Variants in RIMS1 observed in about 807,000 individuals in gnomAD.
RIMS1 encodes the protein regulating synaptic membrane exocytosis 1.
A neutral mutation model predicts 214.1 loss-of-function variants in RIMS1; 83 were observed. The observed-to-expected ratio is 0.39, with a 90% CI of 0.32 to 0.47. RIMS1 has a LOEUF of 0.47. Among genes scored for constraint, RIMS1 ranks in the 20% least tolerant of loss-of-function variants. The probability of loss-of-function intolerance (pLI) is 0.99; values close to 1 mark genes in which losing one functional copy is unlikely to be tolerated. For synonymous variants in RIMS1, 793 were observed against 786.8 expected (o/e 1.01, Z -0.13); for missense variants, 2,050 against 2,161.8 (o/e 0.95, Z 1.03).
chr6:71,896,343 A>G (rs1227129726), intron 1 of RIMS1, among the ~76,000 whole-genome samples: 3 of 152,194 alleles, frequency 2.0e-5, no homozygotes, highest in Non-Finnish European at 4.4e-5. Context: ...TAAAAACTTG[A>G]TGCTAGTCTG....
intron 4 of RIMS1, among the ~76,000 whole-genome samples, chr6:72,125,072 G>A (rs2039227545): frequency 6.6e-6 from 1 of 152,168 alleles, no homozygotes; most frequent in South Asian, 2.1e-4. Context: ...CTGGATTTTA[G>A]AATTTTTAGC....
In RIMS1 at chr6:72,210,920, A is replaced by C. The variant is rs146234256; in HGVS notation, c.1679-22853A>C. On this transcript the variant is annotated intron_variant, in intron 6 of 33. Transcript: ENST00000521978. Reference sequence around the variant, plus strand: ...AATGCATGCATGCAGGGATCAGTGAAAATTGGAAGAAATAACAGAATGAAA... The same window carrying C: ...AATGCATGCATGCAGGGATCAGTGACAATTGGAAGAAATAACAGAATGAAA... Among the ~76,000 whole-genome samples the C allele has an allele frequency of 6.2e-3, 949 of 152,286 alleles. 8 individuals are homozygous for C. Among genetic ancestry groups the C allele is most frequent in the African/African-American group, 0.022 (925 of 41,564 alleles).
chr6:72,038,118 A>AATATATATAT lies in RIMS1; in HGVS notation c.246-58805_246-58796dup, dbSNP rs70994111. ...AAAAAAAAAAAAAAAAAAAAAAAAAAATATATATATATATATATATATATA... is the reference window on the plus strand; with the variant it reads ...AAAAAAAAAAAAAAAAAAAAAAAAAAATATATATATATATATATATATATATATATATATA... On this transcript the variant is annotated intron_variant, in intron 2 of 33. Transcript: ENST00000521978. Among the ~76,000 whole-genome samples the AATATATATAT allele has an allele frequency of 8.3e-3, 111 of 13,394 alleles. 2 individuals are homozygous for AATATATATAT. The highest frequency in any genetic ancestry group is 9.0e-3 in the Non-Finnish European group (75 of 8,298). The allele number at this position is 13,394 out of a possible 152,430, so 8.8% of individuals were successfully genotyped here.
chr6:72,274,011 G>A (rs1274732581), intron 22 of RIMS1, among the ~76,000 whole-genome samples: 1 of 152,014 alleles, frequency 6.6e-6, no homozygotes, highest in Middle Eastern at 3.2e-3. Context: ...GCATCTTTAA[G>A]AACTTAAAGT....
At chr6:72,017,436 A>G (rs1257019535) in intron 2 of RIMS1, among the ~76,000 whole-genome samples, 3 of 152,196 alleles carry the variant, frequency 2.0e-5, no homozygotes, top group Non-Finnish European at 4.4e-5. Flanking sequence ...TACCAATTGG[A>G]TGTGAAAGAG....
At chr6:71,934,095 C>T (rs964280456) in intron 1 of RIMS1, among the ~76,000 whole-genome samples, 3 of 152,030 alleles carry the variant, frequency 2.0e-5, no homozygotes, top group African/African-American at 4.8e-5. Flanking sequence ...GCAGAAGATC[C>T]GGGATGTGGG....
chr6:72,303,860 C>T (rs1462827612), intron 26 of RIMS1, among the ~76,000 whole-genome samples: 2 of 151,480 alleles, frequency 1.3e-5, no homozygotes, highest in African/African-American at 4.8e-5. Context: ...AACCCTTCAA[C>T]CCCATTTTTA....
chr6:72,364,813 G>T (rs1292214221), intron 29 of RIMS1, among the ~76,000 whole-genome samples: 1 of 152,302 alleles, frequency 6.6e-6, no homozygotes, highest in East Asian at 1.9e-4. Flanking sequence ...TCCTCTGAGC[G>T]TGAGGAAATT....
In RIMS1 at chr6:72,265,033, T is replaced by C; in HGVS notation, c.3175T>C (p.Ser1059Pro). 6.3e-7 allele frequency: 1 copy of C among 1,588,932 alleles called. No homozygotes were observed. Among genetic ancestry groups the C allele is most frequent in the Non-Finnish European group, 8.6e-7 (1 of 1,164,146 alleles). Residue 1059 changes from serine to proline, a missense_variant, in exon 20 of 34, where the codon TCT becomes CCT. Ser to Pro is a moderately conservative substitution (Grantham distance 74). Coordinates refer to ENST00000521978, the MANE Select transcript of RIMS1 (RefSeq NM_014989.7). ...CAAGATGCCTTTATTACAGAGCAGT[T>C]CTCACTGGAATATTTACAGGTAAGA... is the stretch of plus-strand genomic sequence containing the variant. ...PPKMPLLQSS[S>P]HWNIYSSILP...
At chr6:72,176,555 T>C (rs895295118) in intron 4 of RIMS1, among the ~76,000 whole-genome samples, 1 of 152,162 alleles carries the variant, frequency 6.6e-6, no homozygotes, top group South Asian at 2.1e-4. Context: ...TGGGAGGTGA[T>C]ATTTTGATAA....
intron 29 of RIMS1, among the ~76,000 whole-genome samples, chr6:72,367,095 C>T (rs564610003): frequency 2.0e-5 from 3 of 152,182 alleles, no homozygotes; most frequent in Non-Finnish European, 2.9e-5. Context: ...AATGATGTTG[C>T]AACAGTAGAT....
chr6:71,960,774 G>C (rs1792707418), intron 1 of RIMS1, among the ~76,000 whole-genome samples: 1 of 152,046 alleles, frequency 6.6e-6, no homozygotes, highest in Admixed American at 6.6e-5. Context: ...TATTCAAGTA[G>C]ACATGGGTTA....
At chr6:72,100,980 A>G (rs145004265) in intron 4 of RIMS1, among the ~76,000 whole-genome samples, 1,727 of 152,126 alleles carry the variant, frequency 0.011, 30 homozygotes, top group African/African-American at 0.039. Context: ...TTTTGTCTGT[A>G]CCATTGACTG....
At position 72,259,093 on chromosome 6, in the gene RIMS1, A is replaced by G. The variant is rs776618426; in HGVS notation, c.3035A>G (p.Tyr1012Cys). The G allele has an allele frequency of 3.1e-6, 5 of 1,612,566 alleles. No homozygotes were observed. The Admixed American group carries it at 8.3e-5, about 27-fold the overall frequency. Residue 1012 changes from tyrosine (Y) to cysteine (C), a missense_variant, in exon 18 of 34, where the codon TAT becomes TGT. Transcript: ENST00000521978. ...DHRTRDVDSQ[Y>C]LSEQDSELLM... ...AGAACCAGAGATGTGGATAGTCAGT[A>G]TTTATCAGAACAAGACAGGTATTTG...
At chr6:72,012,261 A>T (rs1057178350) in intron 2 of RIMS1, among the ~76,000 whole-genome samples, 1 of 152,136 alleles carries the variant, frequency 6.6e-6, no homozygotes, top group East Asian at 1.9e-4. Flanking sequence ...GTTGTCACTC[A>T]TAGGTGGGAA....
chr6:72,376,993 A>G (rs2098401368), intron 29 of RIMS1, among the ~76,000 whole-genome samples: 1 of 152,192 alleles, frequency 6.6e-6, no homozygotes, highest in Admixed American at 6.5e-5. Flanking sequence ...CAATAAATGG[A>G]AGTACACATT....
chr6:72,259,138 G>A (rs570057313), intron 18 of RIMS1, 27 bp downstream of exon 18: 12 of 1,599,532 alleles, frequency 7.5e-6, no homozygotes, highest in South Asian at 5.6e-5. Flanking sequence ...TGATCTCAAC[G>A]TTATGAATTT....
chr6:72,096,839 G>A, intron 2 of RIMS1, 110 bp from the exon 3 acceptor site: 1 of 931,938 alleles, frequency 1.1e-6, no homozygotes. Context: ...TTTTGCTTTA[G>A]TTCAAAGAGC....
intron 28 of RIMS1, among the ~76,000 whole-genome samples, chr6:72,324,117 CA>C (rs2096326364): frequency 6.6e-6 from 1 of 151,550 alleles, no homozygotes; most frequent in Non-Finnish European, 1.5e-5. Flanking sequence ...ACCAGCACTA[CA>C]AAAAATACTA....
Sources: allele counts gnomAD v4.1 joint callset (sites outside exome capture counted in the v4.1 genomes callset), GRCh38; gene constraint gnomAD v4.1.1; transcripts MANE v1.5; gene names NCBI Gene and HGNC (gene_info 2026-07-23, HGNC 2026-07-21).